WASF1: variants seen among roughly 807,000 people sequenced by gnomAD.
WASF1 encodes the protein WASP family member 1.
WASF1 carries 7 observed loss-of-function variants against 50.5 expected under a neutral mutation model. That is an observed-to-expected ratio of 0.14 (90% CI 0.08 to 0.26). WASF1 has a LOEUF of 0.26. Ranked by LOEUF, WASF1 falls within the 10% of genes least tolerant of loss-of-function variation. The pLI is 1.00. For synonymous variants in WASF1, 205 were observed against 244.0 expected, an observed-to-expected ratio of 0.84 and a Z score of 1.49; for missense variants, 470 against 694.7, an observed-to-expected ratio of 0.68 and a Z score of 3.64.
At position 110,103,432 on chromosome 6, in the gene WASF1, G is replaced by A. The variant is rs1338500564; in HGVS notation, c.839C>T (p.Pro280Leu). The A allele has an allele frequency of 6.2e-7, 1 of 1,613,898 alleles. No homozygotes were observed. Among genetic ancestry groups the A allele is most frequent in the Non-Finnish European group, 8.5e-7 (1 of 1,179,962 alleles). ...RVLVRPHEPP[P>L]PPPMHGAGDA... is the part of the protein sequence containing the mutation. ...TCCTGCTCCATGCATTGGTGGAGGT[G>A]GAGGTGGTTCATGTGGTCTGACTAA... The change falls in exon 9 of 11, where the codon CCA (proline) becomes CTA (leucine). Residue 280 changes from proline (P) to leucine (L), a missense_variant. Physicochemically the swap from Pro to Leu is moderately conservative, Grantham distance 98. Coordinates refer to ENST00000392589, the MANE Select transcript of WASF1 (RefSeq NM_003931.3).
chr6:110,101,834 G>A lies in WASF1; in HGVS notation c.1276C>T (p.Pro426Ser). The change falls in exon 10 of 11, where the codon CCC becomes TCC. Residue 426 changes from proline (P) to serine (S), a missense_variant. By Grantham distance (74) the Pro-to-Ser change is moderately conservative. Coordinates refer to ENST00000392589, the MANE Select transcript of WASF1 (RefSeq NM_003931.3). ...PQGEVQGLPP[P>S]PPPPPLPPPG... ...GGAGGCAGAGGAGGCGGTGGTGGGG[G>A]TGGAGGCAGCCCCTGAACTTCACCT... 2.5e-6 allele frequency: 4 copies of A among 1,614,120 alleles called. No homozygotes were observed. The highest frequency in any genetic ancestry group is 3.4e-6 in the Non-Finnish European group (4 of 1,180,026).
In WASF1 at chr6:110,118,010, GAAGCACTA is replaced by G. The variant is rs770453277; in HGVS notation, c.134-4558_134-4551del. ...GCCTGCCTTACAAGAACTCCTGAAGGAAGCACTAAACATGGAAAGCAACAACCGGTACC... is the reference window on the plus strand; with the variant it reads ...GCCTGCCTTACAAGAACTCCTGAAGGAACATGGAAAGCAACAACCGGTACC... On this transcript the variant is annotated intron_variant, in intron 4 of 10. Transcript: ENST00000392589. Among the ~76,000 whole-genome samples, 247 of 152,158 alleles carry G rather than the reference GAAGCACTA, an allele frequency of 1.6e-3. 1 individual carries two copies. Among genetic ancestry groups the G allele is most frequent in the Non-Finnish European group, 2.9e-3 (200 of 68,012 alleles).
intron 4 of WASF1, among the ~76,000 whole-genome samples, chr6:110,125,641 A>G (rs568243658): frequency 6.6e-6 from 1 of 152,302 alleles, no homozygotes; most frequent in African/African-American, 2.4e-5. Context: ...CAAGTGGGAA[A>G]GCTGCCAGAG....
At chr6:110,144,704 CATTT>C (rs1331509211) in intron 3 of WASF1, among the ~76,000 whole-genome samples, 2 of 152,144 alleles carry the variant, frequency 1.3e-5, no homozygotes, top group Non-Finnish European at 2.9e-5. Context: ...TTCCCAGCAC[CATTT>C]ATTAAATAGG....
At chr6:110,151,230 G>C (rs752951796) in intron 3 of WASF1, among the ~76,000 whole-genome samples, 1 of 152,088 alleles carries the variant, frequency 6.6e-6, no homozygotes, top group Non-Finnish European at 1.5e-5. Flanking sequence ...ACCCCCATCA[G>C]CAACTTACGA....
intron 2 of WASF1, among the ~76,000 whole-genome samples, chr6:110,162,235 T>C: frequency 6.6e-6 from 1 of 151,396 alleles, no homozygotes; most frequent in Non-Finnish European, 1.5e-5. Flanking sequence ...CTCCTACTGT[T>C]TGGTAGACTC....
chr6:110,142,534 C>T (rs1301355799), intron 3 of WASF1, among the ~76,000 whole-genome samples: 1 of 152,056 alleles, frequency 6.6e-6, no homozygotes, highest in Non-Finnish European at 1.5e-5. Context: ...ACTTTATCTC[C>T]TAAATCCTGA....
intron 3 of WASF1, among the ~76,000 whole-genome samples, chr6:110,146,461 C>T (rs1298079193): frequency 2.6e-5 from 4 of 151,608 alleles, no homozygotes; most frequent in Non-Finnish European, 5.9e-5. Flanking sequence ...ATAATTGTGA[C>T]AGATATTATT....
intron 2 of WASF1, among the ~76,000 whole-genome samples, chr6:110,168,564 G>A (rs1220423018): frequency 6.6e-6 from 1 of 152,040 alleles, no homozygotes; most frequent in East Asian, 1.9e-4. Flanking sequence ...ATCCCTCCAA[G>A]ATTCCCACTT....
chr6:110,135,669 A>G (rs1017337311), intron 3 of WASF1, among the ~76,000 whole-genome samples: 2 of 148,478 alleles, frequency 1.3e-5, no homozygotes, highest in African/African-American at 4.9e-5. Flanking sequence ...GAATTAAGGT[A>G]GTCAATGGAG....
rs6568632 is a variant in WASF1 at position 110,100,158 on chromosome 6, C to T, written c.*364G>A. The T allele has an allele frequency of 0.9, 144,894 of 160,692 alleles. 66,042 individuals are homozygous for T. Among genetic ancestry groups the T allele is most frequent in the Non-Finnish European group, 0.98 (71,850 of 73,586 alleles). 10.0% of individuals were successfully genotyped at this position (160,692 alleles called of 1,614,324 possible). ...AAATGGAATAAGGCTCATTAGTAGA[C>T]ACAGCTGCCCTCAAGATTTCAATTT... On this transcript the variant is annotated 3_prime_UTR_variant, in exon 11 of 11. Coordinates refer to ENST00000392589, the MANE Select transcript of WASF1 (RefSeq NM_003931.3).
intron 3 of WASF1, among the ~76,000 whole-genome samples, chr6:110,145,836 T>C (rs1373497648): frequency 1.3e-5 from 2 of 151,852 alleles, no homozygotes; most frequent in Non-Finnish European, 2.9e-5. Context: ...TGCAGGGACA[T>C]GGATGAAGCT....
At chr6:110,179,352 A>G (rs1211370636) in intron 1 of WASF1, 87 bp downstream of exon 1, 1 of 151,442 alleles carries the variant, frequency 6.6e-6, no homozygotes, top group Non-Finnish European at 1.5e-5. Context: ...GCCACACACC[A>G]CTCGGTCTGC....
rs933145947 is a variant in WASF1, at chr6:110,105,259, C to T, written c.713+148G>A. The T allele has an allele frequency of 5.9e-6, 5 of 846,092 alleles. No individual in the cohort carries two copies. In the East Asian group the frequency reaches 8.3e-5, roughly 14 times the overall value. The allele number at this position is 846,092 out of a possible 1,614,324, so 52.4% of individuals were successfully genotyped here. A position where few individuals can be genotyped will look rare whatever the true frequency, so the allele number is the denominator to read the frequency against. ...CTGCTCAAGGCCTGACTTTAGTAGG[C>T]TCACAGTGGTCAGGATTTTGAAATA... On this transcript the variant is annotated intron_variant, in intron 8 of 10. Transcript: ENST00000392589.
At chr6:110,146,354 A>G (rs955439040) in intron 3 of WASF1, among the ~76,000 whole-genome samples, 36 of 152,104 alleles carry the variant, frequency 2.4e-4, no homozygotes, top group African/African-American at 8.7e-4. Context: ...ACAATTGGCA[A>G]GTTAAATAAT....
chr6:110,147,175 A>G lies in WASF1; in HGVS notation c.-29+13460T>C, dbSNP rs915616630. 1.4e-4 allele frequency among the ~76,000 whole-genome samples: 22 copies of G among 152,006 alleles called. No homozygotes were observed. The South Asian group carries it at 3.5e-3, about 24-fold the overall frequency. On this transcript the variant is annotated intron_variant, in intron 3 of 10. Transcript: ENST00000392589. ...ATCCTGGCTAACACGGTGAAACCCC[A>G]TCTCTACTAAAAATACAAAAATTAG...
intron 4 of WASF1, 134 bp from the exon 5 acceptor site, chr6:110,113,594 T>A: frequency 1.3e-6 from 1 of 793,232 alleles, no homozygotes; most frequent in Non-Finnish European, 1.9e-6. Flanking sequence ...ATGAACAATG[T>A]AATATTACAA....
chr6:110,109,681 A>G (rs1003543612), intron 5 of WASF1, among the ~76,000 whole-genome samples: 1 of 151,210 alleles, frequency 6.6e-6, no homozygotes, highest in Non-Finnish European at 1.5e-5. Flanking sequence ...CTTCCCAAGT[A>G]GCTGGGACTA....
intron 3 of WASF1, among the ~76,000 whole-genome samples, chr6:110,138,975 C>A (rs1775093960): frequency 6.6e-6 from 1 of 152,222 alleles, no homozygotes; most frequent in Non-Finnish European, 1.5e-5. Flanking sequence ...GTCCATGGCA[C>A]CCAGGCTGTT....
Sources: allele counts gnomAD v4.1 joint callset (sites outside exome capture counted in the v4.1 genomes callset), GRCh38; gene constraint gnomAD v4.1.1; transcripts MANE v1.5; gene names NCBI Gene and HGNC (gene_info 2026-07-23, HGNC 2026-07-21).